Variants in SGSM1 observed in about 807,000 individuals in gnomAD.
SGSM1 encodes RUN and TBC1 domain containing 2.
In SGSM1, 73 loss-of-function variants were observed where a neutral mutation model predicts 133.8. The ratio of observed to expected loss-of-function variants is 0.55; its 90% CI spans 0.45 to 0.66. The LOEUF (loss-of-function observed/expected upper bound fraction) is 0.66, where lower values mean the gene tolerates loss of function less well. Among genes scored for constraint, SGSM1 ranks in the 30% least tolerant of loss-of-function variants. The probability of loss-of-function intolerance (pLI) is 0.00; values close to 1 mark genes in which losing one functional copy is unlikely to be tolerated. For missense variants in SGSM1, 1,213 were observed against 1,448.1 expected, an observed-to-expected ratio of 0.84 and a Z score of 2.64; for synonymous variants, 563 against 573.0, an observed-to-expected ratio of 0.98 and a Z score of 0.25.
intron 2 of SGSM1, among the ~76,000 whole-genome samples, chr22:24,840,379 T>C (rs1486413283): frequency 1.3e-5 from 2 of 152,244 alleles, no homozygotes; most frequent in Admixed American, 1.3e-4. Flanking sequence ...AGTCTCACTC[T>C]GTCACCCAAG....
chr22:24,863,281 C>A (rs539247694), intron 9 of SGSM1, among the ~76,000 whole-genome samples: 3 of 152,258 alleles, frequency 2.0e-5, no homozygotes, highest in African/African-American at 7.2e-5. Context: ...CTCAGCCTCC[C>A]GGGTAGCTGG....
chr22:24,848,935 T>A (rs926192761), intron 4 of SGSM1, among the ~76,000 whole-genome samples: 1 of 152,208 alleles, frequency 6.6e-6, no homozygotes, highest in African/African-American at 2.4e-5. Context: ...CCATTTGGAA[T>A]GACTTCTCAG....
intron 24 of SGSM1, among the ~76,000 whole-genome samples, 160 bp downstream of exon 24, chr22:24,920,153 A>C (rs533875801): frequency 3.2e-4 from 49 of 152,282 alleles, no homozygotes; most frequent in Non-Finnish European, 4.7e-4. Flanking sequence ...GGACGAGTTC[A>C]CATCTTGTAA....
intron 2 of SGSM1, among the ~76,000 whole-genome samples, chr22:24,810,624 C>T (rs1280245705): frequency 1.3e-5 from 2 of 152,094 alleles, no homozygotes; most frequent in Non-Finnish European, 2.9e-5. Flanking sequence ...CTGGGCTGGG[C>T]CTAGAAAGCC....
chr22:24,842,668 GAGC>G (rs1340189278), intron 2 of SGSM1, among the ~76,000 whole-genome samples: 1 of 152,168 alleles, frequency 6.6e-6, no homozygotes, highest in Non-Finnish European at 1.5e-5. Flanking sequence ...GGTGTTTCAA[GAGC>G]AGCTTCTCTA....
At chr22:24,881,560 C>T (rs189378895) in intron 14 of SGSM1, among the ~76,000 whole-genome samples, 28 of 150,260 alleles carry the variant, frequency 1.9e-4, no homozygotes, top group East Asian at 3.9e-4. Context: ...AGCGAGACTC[C>T]GTCTCAAAAA....
intron 19 of SGSM1, among the ~76,000 whole-genome samples, chr22:24,898,967 C>T (rs1431632634): frequency 7.6e-6 from 1 of 131,756 alleles, no homozygotes; most frequent in African/African-American, 2.8e-5. Flanking sequence ...GCGGAGCTTG[C>T]AGTGAGCCGA....
At chr22:24,896,619 GT>G (rs1569168222) in intron 18 of SGSM1, among the ~76,000 whole-genome samples, 1 of 139,990 alleles carries the variant, frequency 7.1e-6, no homozygotes, top group African/African-American at 3.0e-5. Context: ...TTTATTTTTT[GT>G]TTTTTGGTTT....
intron 12 of SGSM1, among the ~76,000 whole-genome samples, chr22:24,874,864 C>T (rs1257997388): frequency 6.6e-6 from 1 of 152,196 alleles, no homozygotes; most frequent in Non-Finnish European, 1.5e-5. Flanking sequence ...GTCAGTGCAT[C>T]CCTGAGATTG....
Position 24,900,141 on chromosome 22 carries a change from C to T in SGSM1, c.2610+1582C>T, listed in dbSNP as rs550825819. Among the ~76,000 whole-genome samples, 76 of 152,044 alleles carry T rather than the reference C, an allele frequency of 5.0e-4. 3 individuals carry two copies. In the South Asian group the frequency reaches 0.015, roughly 31 times the overall value. On this transcript the variant is annotated intron_variant, in intron 19 of 24. Coordinates refer to ENST00000400358, the MANE Select transcript of SGSM1 (RefSeq NM_001098497.3). Reference sequence around the variant, plus strand: ...AAGCAATCCTTCCTCCCACCTCAGCCCCACAAGTAGCTGGGACTACAGGGC... The same window carrying T: ...AAGCAATCCTTCCTCCCACCTCAGCTCCACAAGTAGCTGGGACTACAGGGC...
At chr22:24,848,265 A>G (rs1040547902) in intron 4 of SGSM1, among the ~76,000 whole-genome samples, 1 of 151,902 alleles carries the variant, frequency 6.6e-6, no homozygotes, top group Non-Finnish European at 1.5e-5. Flanking sequence ...CCAAGAAACA[A>G]TTGTTGAGTG....
chr22:24,907,114 G>A (rs1933412663), intron 21 of SGSM1, among the ~76,000 whole-genome samples: 1 of 151,250 alleles, frequency 6.6e-6, no homozygotes, highest in East Asian at 1.9e-4. Context: ...ACAAAAATTA[G>A]CCCAGCATCG....
At chr22:24,843,998 A>AT (rs1929947268) in intron 2 of SGSM1, 2 of 140,682 alleles carry the variant, frequency 1.4e-5, no homozygotes. Context: ...GGTCTACCTG[A>AT]TTCCAGGGCA....
chr22:24,811,368 C>T (rs1256032014), intron 2 of SGSM1, among the ~76,000 whole-genome samples: 1 of 151,850 alleles, frequency 6.6e-6, no homozygotes, highest in African/African-American at 2.4e-5. Context: ...ATGTACTGTT[C>T]TTGAACAACT....
chr22:24,835,888 G>T (rs1276302567), intron 2 of SGSM1, among the ~76,000 whole-genome samples: 1 of 152,126 alleles, frequency 6.6e-6, no homozygotes, highest in African/African-American at 2.4e-5. Flanking sequence ...TGGTTTGATA[G>T]AACTTTTCTT....
intron 2 of SGSM1, among the ~76,000 whole-genome samples, chr22:24,817,826 G>T (rs1348194487): frequency 6.6e-6 from 1 of 152,266 alleles, no homozygotes; most frequent in Non-Finnish European, 1.5e-5. Context: ...CAGGGCGGCA[G>T]CATGGTTGGT....
At chr22:24,869,655 T>C (rs920581254) in intron 12 of SGSM1, among the ~76,000 whole-genome samples, 2 of 152,214 alleles carry the variant, frequency 1.3e-5, no homozygotes, top group Non-Finnish European at 2.9e-5. Flanking sequence ...GAGATATTCA[T>C]TGTAGAGCCC....
chr22:24,918,793 G>A (rs920168259), intron 23 of SGSM1, among the ~76,000 whole-genome samples: 4 of 151,732 alleles, frequency 2.6e-5, no homozygotes, highest in South Asian at 2.1e-4. Flanking sequence ...GAGCAATGGC[G>A]CGATCTTGGC....
chr22:24,910,345 T>G (rs1394616597), intron 21 of SGSM1, among the ~76,000 whole-genome samples: 1 of 152,076 alleles, frequency 6.6e-6, no homozygotes, highest in East Asian at 1.9e-4. Flanking sequence ...TATATGAGAA[T>G]CTCAATAAAC....
Sources: gnomAD v4.1 joint callset for allele counts (sites outside exome capture counted in the v4.1 genomes callset) on GRCh38, gnomAD v4.1.1 for gene constraint, MANE v1.5 for transcripts, NCBI Gene and HGNC (gene_info 2026-07-23, HGNC 2026-07-21) for gene names.